GDAP2: variants seen among roughly 807,000 people sequenced by gnomAD.
GDAP2 encodes the protein ganglioside induced differentiation associated protein 2.
A neutral mutation model predicts 67.0 loss-of-function variants in GDAP2; 51 were observed. The observed-to-expected ratio is 0.76, with a 90% CI of 0.61 to 0.96. The LOEUF (loss-of-function observed/expected upper bound fraction) is 0.96, where lower values mean the gene tolerates loss of function less well. Ranked by LOEUF, GDAP2 falls within the 40% of genes least tolerant of loss-of-function variation. The pLI is 0.00. For missense variants in GDAP2, 547 were observed against 588.3 expected (o/e 0.93, Z 0.73); for synonymous variants, 203 against 207.3 (o/e 0.98, Z 0.18).
At chr1:117,928,879 T>C (rs955788292) in intron 1 of GDAP2, among the ~76,000 whole-genome samples, 11 of 152,210 alleles carry the variant, frequency 7.2e-5, no homozygotes, top group Non-Finnish European at 1.5e-4. Context: ...AGAGAAAAGC[T>C]AATTCCCACT....
intron 3 of GDAP2, among the ~76,000 whole-genome samples, chr1:117,916,460 G>T (rs1650048290): frequency 6.6e-6 from 1 of 152,100 alleles, no homozygotes; most frequent in Non-Finnish European, 1.5e-5. Flanking sequence ...TTTAATGAGA[G>T]GCCACTAAAT....
Sources: gnomAD v4.1 joint callset for allele counts (sites outside exome capture counted in the v4.1 genomes callset) on GRCh38, gnomAD v4.1.1 for gene constraint, MANE v1.5 for transcripts, NCBI Gene and HGNC (gene_info 2026-07-23, HGNC 2026-07-21) for gene names.